The following RBPMS variants were observed in gnomAD, a reference collection of about 807,000 sequenced individuals.
The protein encoded by RBPMS is RNA binding protein, mRNA processing factor, also known as RNA-binding protein with multiple splicing.
In RBPMS, 7 loss-of-function variants were observed where a neutral mutation model predicts 26.8. That is an observed-to-expected ratio of 0.26 (90% CI 0.15 to 0.49). The LOEUF is 0.49. Among genes scored for constraint, RBPMS ranks in the 20% least tolerant of loss-of-function variants. RBPMS has a pLI of 0.98. For synonymous variants in RBPMS, 96 were observed against 93.3 expected, an observed-to-expected ratio of 1.03 and a Z score of -0.17; for missense variants, 186 against 250.0, an observed-to-expected ratio of 0.74 and a Z score of 1.73.
chr8:30,530,768 G>A (rs1475703029), intron 5 of RBPMS, among the ~76,000 whole-genome samples: 2 of 152,016 alleles, frequency 1.3e-5, no homozygotes, highest in African/African-American at 2.4e-5. Flanking sequence ...GGCCATTCAT[G>A]GGAAGTTTTC....
At chr8:30,440,751 G>A (rs1011468287) in intron 1 of RBPMS, among the ~76,000 whole-genome samples, 1 of 151,050 alleles carries the variant, frequency 6.6e-6, no homozygotes, top group Non-Finnish European at 1.5e-5. Flanking sequence ...GTGCATAAAG[G>A]TTCCAATTTT....
At chr8:30,498,614 T>G (rs1820225887) in intron 4 of RBPMS, among the ~76,000 whole-genome samples, 1 of 152,206 alleles carries the variant, frequency 6.6e-6, no homozygotes. Flanking sequence ...ATTGGCAACA[T>G]ACATTTAGAC....
intron 8 of RBPMS, among the ~76,000 whole-genome samples, chr8:30,569,995 C>T (rs970023721): frequency 4.6e-5 from 7 of 152,172 alleles, no homozygotes; most frequent in African/African-American, 7.2e-5. Flanking sequence ...GGCCGTTACC[C>T]GCTACCCACT....
chr8:30,488,261 G>A (rs1819003628), intron 4 of RBPMS, among the ~76,000 whole-genome samples: 1 of 151,942 alleles, frequency 6.6e-6, no homozygotes, highest in South Asian at 2.1e-4. Context: ...TATAACAAAG[G>A]AACAAAAACA....
rs537023353 is a variant in RBPMS, at chr8:30,384,733, G to A, written c.-360G>A. The A allele has an allele frequency of 5.8e-5, 11 of 188,096 alleles. No homozygotes were observed. The South Asian group carries it at 2.0e-3, about 33-fold the overall frequency. 11.7% of individuals were successfully genotyped at this position (188,096 alleles called of 1,614,324 possible). ...GCTTACTCCTGGGACGCGCGTCCTC[G>A]CCCCATCCTTTGCTTCCTTCCTTCC... On this transcript the variant is annotated 5_prime_UTR_variant, in exon 1 of 9. Coordinates refer to ENST00000397323, the MANE Select transcript of RBPMS (RefSeq NM_001008710.3). The surrounding 1 kb of genome is among the most constrained non-coding windows in gnomAD (Gnocchi z 5.6).
At chr8:30,470,844 C>G (rs1026646617) in intron 1 of RBPMS, among the ~76,000 whole-genome samples, 1 of 152,140 alleles carries the variant, frequency 6.6e-6, no homozygotes, top group Non-Finnish European at 1.5e-5. Flanking sequence ...GACGGGAGCT[C>G]AGATTTTCTT....
intron 1 of RBPMS, chr8:30,446,844 C>CGTGT (rs1419237120): frequency 1.8e-5 from 1 of 54,546 alleles, no homozygotes; most frequent in African/African-American, 1.0e-4. Flanking sequence ...TGTGTGTGTG[C>CGTGT]GCGCGCGCGC....
chr8:30,415,419 T>G (rs145040875), intron 1 of RBPMS, among the ~76,000 whole-genome samples: 20 of 152,336 alleles, frequency 1.3e-4, no homozygotes, highest in Middle Eastern at 6.8e-3. Flanking sequence ...AATGGAAATA[T>G]ACTCTGCCAC....
chr8:30,409,855 T>A (rs951793516), intron 1 of RBPMS, among the ~76,000 whole-genome samples: 10 of 152,004 alleles, frequency 6.6e-5, no homozygotes, highest in Middle Eastern at 6.8e-3. Context: ...CTGGTCTCGA[T>A]CTCCTGACCT....
intron 1 of RBPMS, among the ~76,000 whole-genome samples, chr8:30,417,286 A>G (rs1317438486): frequency 3.9e-5 from 6 of 152,228 alleles, no homozygotes; most frequent in Non-Finnish European, 7.3e-5. Flanking sequence ...TTACCAGAAC[A>G]TTTGGAATTG....
At chr8:30,458,180 C>G (rs755602763) in intron 1 of RBPMS, among the ~76,000 whole-genome samples, 5 of 152,148 alleles carry the variant, frequency 3.3e-5, no homozygotes, top group Non-Finnish European at 5.9e-5. Context: ...CTAAAAAAGT[C>G]TGTACATGTT....
chr8:30,391,541 T>G (rs556697669), intron 1 of RBPMS, among the ~76,000 whole-genome samples: 1 of 152,324 alleles, frequency 6.6e-6, no homozygotes, highest in East Asian at 1.9e-4. Context: ...CTCAGTGGGC[T>G]TGAGGCCATC....
At chr8:30,483,151 G>T (rs1414016302) in intron 4 of RBPMS, among the ~76,000 whole-genome samples, 5 of 152,128 alleles carry the variant, frequency 3.3e-5, no homozygotes, top group Non-Finnish European at 7.4e-5. Context: ...TCAGGCTTGT[G>T]CATGATCTCT....
intron 6 of RBPMS, chr8:30,553,355 A>G (rs1375065062): frequency 6.6e-6 from 1 of 152,172 alleles, no homozygotes; most frequent in Non-Finnish European, 1.5e-5. Context: ...GAATCTTGCA[A>G]TCAGCGCTGT....
At chr8:30,545,004 G>T (rs1825754827) in intron 6 of RBPMS, 1 of 1,445,656 alleles carries the variant, frequency 6.9e-7, no homozygotes, top group South Asian at 1.4e-5. Flanking sequence ...TAGGAGAAGG[G>T]GATATGTGCG....
intron 1 of RBPMS, among the ~76,000 whole-genome samples, chr8:30,467,895 G>A (rs1816679042): frequency 2.6e-5 from 4 of 152,110 alleles, no homozygotes; most frequent in Middle Eastern, 3.2e-3. Context: ...ATGCCAAAAT[G>A]TATAAATACA....
chr8:30,478,392 GC>G (rs1325024998), intron 3 of RBPMS, among the ~76,000 whole-genome samples: 2 of 151,936 alleles, frequency 1.3e-5, no homozygotes, highest in Non-Finnish European at 2.9e-5. Context: ...CATCTCTCTG[GC>G]TCATGAGAAG....
chr8:30,430,224 A>G, intron 1 of RBPMS, among the ~76,000 whole-genome samples: 1 of 151,416 alleles, frequency 6.6e-6, no homozygotes, highest in Non-Finnish European at 1.5e-5. Flanking sequence ...TCTTAAATGG[A>G]TGGATGGATG....
At chr8:30,449,788 G>A (rs1181654578) in intron 1 of RBPMS, among the ~76,000 whole-genome samples, 2 of 152,244 alleles carry the variant, frequency 1.3e-5, no homozygotes, top group Non-Finnish European at 2.9e-5. Context: ...TGAGGCTTGA[G>A]GCCAGGTTTT....
Sources: allele counts gnomAD v4.1 joint callset (sites outside exome capture counted in the v4.1 genomes callset), GRCh38; gene constraint gnomAD v4.1.1; non-coding constraint Gnocchi (gnomAD v3.1); transcripts MANE v1.5; gene names NCBI Gene and HGNC (gene_info 2026-07-23, HGNC 2026-07-21).